FAN1: variants seen among roughly 807,000 people sequenced by gnomAD.
FAN1 encodes FANCD2 and FANCI associated nuclease 1, also known as fanconi-associated nuclease 1.
A neutral mutation model predicts 104.9 loss-of-function variants in FAN1; 91 were observed. The ratio of observed to expected loss-of-function variants is 0.87; its 90% confidence interval spans 0.73 to 1.03. The LOEUF (loss-of-function observed/expected upper bound fraction) is 1.03, where lower values mean the gene tolerates loss of function less well. FAN1 is among the 50% of genes least tolerant of loss of function. The pLI is 0.00. For missense variants in FAN1, 1,263 were observed against 1,239.9 expected, an observed-to-expected ratio of 1.02 and a Z score of -0.28; for synonymous variants, 478 against 457.6, an observed-to-expected ratio of 1.04 and a Z score of -0.57.
intron 14 of FAN1, chr15:30,939,014 A>G: frequency 1.0e-6 from 1 of 985,226 alleles, no homozygotes; most frequent in Non-Finnish European, 1.2e-6. Context: ...ACAAGATAAC[A>G]CATCTTCTTG....
At chr15:30,940,779 A>T in intron 14 of FAN1, 1 of 987,154 alleles carries the variant, frequency 1.0e-6, no homozygotes, top group Non-Finnish European at 1.2e-6. Context: ...TAAAAAGTGA[A>T]ATTATATTTT....
rs560538128 is a variant in FAN1 at position 30,926,652 on chromosome 15, A to G, written c.2488+713A>G. On this transcript the variant is annotated intron_variant, in intron 10 of 14. Transcript: ENST00000362065. ...GGAAGACGTGCAAATGCCAGTGAAGACAGAGAGATACAGTAGGCCTGAAAT... is the reference window on the plus strand; with the variant it reads ...GGAAGACGTGCAAATGCCAGTGAAGGCAGAGAGATACAGTAGGCCTGAAAT... The G allele has an allele frequency of 2.7e-4, 270 of 985,142 alleles. 1 individual carries two copies. The African/African-American group carries it at 4.4e-3, about 16-fold the overall frequency. 61.0% of individuals were successfully genotyped at this position (985,142 alleles called of 1,614,324 possible). A position where few individuals can be genotyped will look rare whatever the true frequency, so the allele number is the denominator to read the frequency against.
At chr15:30,935,084 T>C (rs2062815818) in intron 13 of FAN1, among the ~76,000 whole-genome samples, 2 of 152,052 alleles carry the variant, frequency 1.3e-5, no homozygotes. Flanking sequence ...GGTGGGCGGA[T>C]TGCTTGGGCT....
At chr15:30,929,576 TTATTA>T (rs1320492175) in intron 12 of FAN1, among the ~76,000 whole-genome samples, 179 bp downstream of exon 12, 49 of 128,464 alleles carry the variant, frequency 3.8e-4, no homozygotes, top group South Asian at 2.1e-3. Context: ...TTTATTATAT[TTATTA>T]TATTATATAT....
At chr15:30,941,174 G>A (rs2063035558) in intron 14 of FAN1, 2 of 1,328,818 alleles carry the variant, frequency 1.5e-6, no homozygotes, top group Non-Finnish European at 2.0e-6. Context: ...ATAGCCTTCA[G>A]GAGGTGGTAG....
intron 5 of FAN1, among the ~76,000 whole-genome samples, chr15:30,917,474 ATTTCTTTAC>A (rs1252181094): frequency 1.3e-5 from 2 of 152,168 alleles, no homozygotes; most frequent in Non-Finnish European, 2.9e-5. Context: ...TTTGGAGGCA[ATTTCTTTAC>A]TCTTACTTTA....
intron 12 of FAN1, among the ~76,000 whole-genome samples, chr15:30,929,814 ATATAT>A (rs1435008555): frequency 0.017 from 959 of 55,838 alleles, 150 homozygotes; most frequent in African/African-American, 0.062. Context: ...AAAATATATA[ATATAT>A]TATATCATAT....
chr15:30,932,476 T>C (rs1164187593), intron 13 of FAN1, among the ~76,000 whole-genome samples: 1 of 152,168 alleles, frequency 6.6e-6, no homozygotes, highest in Non-Finnish European at 1.5e-5. Context: ...ATGGAATAGT[T>C]GGTGTAGAAT....
rs748791115 is a variant in FAN1 at position 30,920,548 on chromosome 15, C to A, written c.1947C>A (p.Cys649Ter). ...CTGGTATATGTCTTCATTTTAGATG[C>A]CACGAAGATTTACCACTCTTCCTGC... The part of the protein sequence containing the change: ...NRLKNHPSLR[C>*]HEDLPLFLRC... The change falls in exon 7 of 15, where the codon TGC becomes TGA. Residue 649 changes from cysteine (C) to a stop codon, truncating the protein, a stop_gained. Coordinates refer to ENST00000362065, the MANE Select transcript of FAN1 (RefSeq NM_014967.5). LOFTEE classifies it high-confidence loss of function. 6.2e-7 allele frequency: 1 copy of A among 1,600,836 alleles called. No individual in the cohort carries two copies. Among genetic ancestry groups the A allele is most frequent in the South Asian group, 1.1e-5 (1 of 89,612 alleles).
chr15:30,940,265 A>G, intron 14 of FAN1: 3 of 973,846 alleles, frequency 3.1e-6, no homozygotes, highest in African/African-American at 1.8e-5. Flanking sequence ...CTTGTCACAC[A>G]GTTTGGAAAT....
At chr15:30,940,349 T>C (rs748097247) in intron 14 of FAN1, 3 of 985,424 alleles carry the variant, frequency 3.0e-6, no homozygotes, top group Non-Finnish European at 3.6e-6. Flanking sequence ...CTGTCCAAAG[T>C]TGGGGGCTGG....
Position 30,930,644 on chromosome 15 carries a change from G to T in FAN1, c.2889G>T (p.Val963=), listed in dbSNP as rs1184054037. 3.7e-6 allele frequency: 6 copies of T among 1,613,132 alleles called. No homozygotes were observed. In the East Asian group the frequency reaches 1.3e-4, roughly 36 times the overall value. Residue 963 remains valine, a synonymous_variant, in exon 13 of 15, where the codon GTG becomes GTT. Coordinates refer to ENST00000362065, the MANE Select transcript of FAN1 (RefSeq NM_014967.5). ...HCRGGLPDLV[V]WNSQSRHFKL... is the part of the protein sequence containing the mutation. The stretch of plus-strand genomic sequence containing the variant: ...GAGGGGGCCTCCCCGACCTGGTGGT[G>T]TGGAACTCCCAGAGCCGTCACTTTA...
rs76554225 is a variant in FAN1, at chr15:30,920,698, C to T, written c.2052+45C>T. 59,910 of 1,135,814 alleles carry T rather than the reference C, an allele frequency of 0.053. 2,200 individuals carry two copies. The highest frequency in any genetic ancestry group is 0.15 in the Admixed American group (7,390 of 48,546). The allele number at this position is 1,135,814 out of a possible 1,614,324, so 70.4% of individuals were successfully genotyped here. The stretch of plus-strand genomic sequence containing the variant: ...CCCCCCACCATTACTGATGTGATGG[C>T]GTTAAACATGTGAAGGGACAGCTGT... On this transcript the variant is annotated intron_variant, in intron 7 of 14. Coordinates refer to ENST00000362065, the MANE Select transcript of FAN1 (RefSeq NM_014967.5).
In FAN1 at chr15:30,904,890, A is replaced by G; in HGVS notation, c.227A>G (p.Gln76Arg). ...GACTTCGTTCAAGTGGATCCAGGGCAGGTTGGCTTAATAAATTCAAATGTG... is the reference window on the plus strand; with the variant it reads ...GACTTCGTTCAAGTGGATCCAGGGCGGGTTGGCTTAATAAATTCAAATGTG... ...NNDFVQVDPG[Q>R]VGLINSNVSM... is the part of the protein sequence containing the mutation. The change falls in exon 2 of 15, where the codon CAG (glutamine) becomes CGG (arginine). Residue 76 changes from glutamine (Q) to arginine (R), a missense_variant. Physicochemically the swap from Gln to Arg is conservative, Grantham distance 43 (BLOSUM62 1). This residue lies in a region of FAN1 where 682 missense variants were observed against 571.1 expected (regional missense o/e 1.19). Transcript: ENST00000362065. The G allele has an allele frequency of 6.2e-7, 1 of 1,614,028 alleles. No individual in the cohort carries two copies. The highest frequency in any genetic ancestry group is 8.5e-7 in the Non-Finnish European group (1 of 1,179,954).
intron 3 of FAN1, among the ~76,000 whole-genome samples, chr15:30,910,408 C>T (rs573345379): frequency 6.6e-6 from 1 of 152,184 alleles, no homozygotes; most frequent in African/African-American, 2.4e-5. Flanking sequence ...GTGAGAAATT[C>T]TATTATTTGA....
At chr15:30,943,105 T>TAAAG (rs762776142) in exon 15 of FAN1, 4 of 1,524,984 alleles carry the variant, frequency 2.6e-6, no homozygotes, top group Non-Finnish European at 3.5e-6. Context: ...TTTGCAAAAC[T>TAAAG]AAAGATTCTC....
chr15:30,922,202 T>G, intron 7 of FAN1, 33 bp from the exon 8 acceptor site: 1 of 1,595,132 alleles, frequency 6.3e-7, no homozygotes, highest in Non-Finnish European at 8.5e-7. Flanking sequence ...TTTTTGTGAA[T>G]CTAATGAGGT....
intron 8 of FAN1, among the ~76,000 whole-genome samples, chr15:30,923,902 G>A (rs1333980857): frequency 6.6e-6 from 1 of 152,056 alleles, no homozygotes; most frequent in Non-Finnish European, 1.5e-5. Flanking sequence ...GTACAGTTCA[G>A]TGGCATTCAT....
rs1223570885 is a variant in FAN1 at position 30,937,235 on chromosome 15, T to C, written c.3033T>C (p.Ala1011=). 1.2e-6 allele frequency: 2 copies of C among 1,613,898 alleles called. No homozygotes were observed. The highest frequency in any genetic ancestry group is 2.2e-5 in the East Asian group (1 of 44,882). ...VEVCHVVAVG[A]KSQSLS The stretch of plus-strand genomic sequence containing the variant: ...TCTGCCATGTGGTTGCAGTTGGAGC[T>C]AAGAGCCAAAGCCTTAGCTAAAAGG... Residue 1011 remains alanine, a synonymous_variant, in exon 14 of 15, where the codon GCT becomes GCC. Transcript: ENST00000362065.
Sources: gnomAD v4.1 joint callset for allele counts (sites outside exome capture counted in the v4.1 genomes callset) on GRCh38, gnomAD v4.1.1 for gene constraint, gnomAD v4.1.1 regional missense constraint, MANE v1.5 for transcripts, NCBI Gene and HGNC (gene_info 2026-07-23, HGNC 2026-07-21) for gene names.